NRG1: variants seen among roughly 807,000 people sequenced by gnomAD.
NRG1 encodes pro-neuregulin-1, membrane-bound isoform.
In NRG1, 18 loss-of-function variants were observed where a neutral mutation model predicts 63.8. The observed-to-expected ratio is 0.28, with a 90% confidence interval of 0.19 to 0.42. The LOEUF is 0.42. NRG1 is among the 10% of genes least tolerant of loss of function. The probability of loss-of-function intolerance (pLI) is 1.00; values close to 1 mark genes in which losing one functional copy is unlikely to be tolerated. For synonymous variants in NRG1, 302 were observed against 301.3 expected (o/e 1.00, Z -0.02); for missense variants, 762 against 814.7 (o/e 0.94, Z 0.79).
In NRG1 at chr8:31,925,650, T is replaced by G. The variant is rs141254333; in HGVS notation, c.37+286219T>G. 7.9e-5 allele frequency among the ~76,000 whole-genome samples: 12 copies of G among 152,228 alleles called. No individual in the cohort carries two copies. In the East Asian group the frequency reaches 1.5e-3, roughly 20 times the overall value. ...TGTCTTTATGTTCTTTTCTACCATT[T>G]TTATTTTTTTCTCAATGTTTTCATC... is the stretch of plus-strand genomic sequence containing the variant. On this transcript the variant is annotated intron_variant, in intron 1 of 10. Transcript: ENST00000519301.
At chr8:32,602,892 G>A (rs1844621283) in intron 2 of NRG1, among the ~76,000 whole-genome samples, 2 of 151,924 alleles carry the variant, frequency 1.3e-5, no homozygotes, top group African/African-American at 2.4e-5. Flanking sequence ...AAAATCATAC[G>A]GTATTTGAAC....
chr8:32,297,396 A>T (rs1232505177), intron 1 of NRG1, among the ~76,000 whole-genome samples: 1 of 151,826 alleles, frequency 6.6e-6, no homozygotes, highest in Non-Finnish European at 1.5e-5. Context: ...AATGCAGTTT[A>T]TTCTGAGCAG....
intron 1 of NRG1, among the ~76,000 whole-genome samples, chr8:31,672,623 A>G (rs1807270303): frequency 6.6e-6 from 1 of 152,134 alleles, no homozygotes; most frequent in East Asian, 1.9e-4. Flanking sequence ...ATAACTTAAT[A>G]TTGGCTGAAT....
At chr8:32,454,361 G>T (rs1260814369) in intron 1 of NRG1, among the ~76,000 whole-genome samples, 2 of 152,078 alleles carry the variant, frequency 1.3e-5, no homozygotes, top group African/African-American at 4.8e-5. Context: ...ATAGGATTGA[G>T]AACCACTCAT....
intron 5 of NRG1, among the ~76,000 whole-genome samples, chr8:32,722,813 C>G (rs1820979883): frequency 6.6e-6 from 1 of 151,898 alleles, no homozygotes; most frequent in Admixed American, 6.6e-5. Flanking sequence ...TTAAATTGTT[C>G]AATTTTATTT....
intron 1 of NRG1, among the ~76,000 whole-genome samples, chr8:32,266,347 A>T: frequency 6.6e-6 from 1 of 152,174 alleles, no homozygotes; most frequent in East Asian, 1.9e-4. Context: ...CAGCACATAC[A>T]CTTTTTCAAT....
chr8:32,309,662 T>TC (rs1856601324), intron 1 of NRG1, among the ~76,000 whole-genome samples: 1 of 152,168 alleles, frequency 6.6e-6, no homozygotes, highest in South Asian at 2.1e-4. Flanking sequence ...AACTCGAAGC[T>TC]CAGCAGTATG....
intron 1 of NRG1, among the ~76,000 whole-genome samples, chr8:32,183,621 C>T (rs1841665397): frequency 6.6e-6 from 1 of 152,194 alleles, no homozygotes; most frequent in Non-Finnish European, 1.5e-5. Context: ...CAGGAATCAA[C>T]CAACCAAGTG....
At chr8:32,593,726 T>C (rs1486655688) in intron 1 of NRG1, among the ~76,000 whole-genome samples, 5 of 152,004 alleles carry the variant, frequency 3.3e-5, no homozygotes, top group African/African-American at 4.8e-5. Context: ...AACAGAAATA[T>C]GTAGACACTA....
At chr8:31,989,478 T>C (rs1810694821) in intron 1 of NRG1, among the ~76,000 whole-genome samples, 1 of 151,930 alleles carries the variant, frequency 6.6e-6, no homozygotes, top group Non-Finnish European at 1.5e-5. Flanking sequence ...GCAACAGTGA[T>C]AGAAATAATC....
At chr8:32,638,314 T>TA (rs1001427973) in intron 5 of NRG1, among the ~76,000 whole-genome samples, 5 of 152,178 alleles carry the variant, frequency 3.3e-5, no homozygotes, top group Admixed American at 6.5e-5. Flanking sequence ...TAAAGTATAA[T>TA]AAAAAAATTA....
intron 6 of NRG1, among the ~76,000 whole-genome samples, chr8:32,735,989 A>C (rs1220811834): frequency 6.6e-6 from 1 of 151,572 alleles, no homozygotes; most frequent in Non-Finnish European, 1.5e-5. Flanking sequence ...ATGGATTGGA[A>C]ACTAGTCCCC....
At chr8:32,568,853 C>T (rs1439973328) in intron 1 of NRG1, among the ~76,000 whole-genome samples, 2 of 151,606 alleles carry the variant, frequency 1.3e-5, no homozygotes, top group Non-Finnish European at 2.9e-5. Flanking sequence ...TTTTTACTTG[C>T]AGGCAATATC....
intron 1 of NRG1, among the ~76,000 whole-genome samples, chr8:32,187,858 C>T (rs1030817203): frequency 5.3e-5 from 8 of 152,304 alleles, no homozygotes; most frequent in East Asian, 3.9e-4. Flanking sequence ...CTAAAGACAA[C>T]GTACCCACTT....
At chr8:32,324,776 A>T (rs115596640) in intron 1 of NRG1, among the ~76,000 whole-genome samples, 1 of 152,188 alleles carries the variant, frequency 6.6e-6, no homozygotes, top group Admixed American at 6.5e-5. Flanking sequence ...GCCATTATTT[A>T]TTAAAACCTT....
At chr8:31,722,320 T>C (rs929360420) in intron 1 of NRG1, among the ~76,000 whole-genome samples, 5 of 152,140 alleles carry the variant, frequency 3.3e-5, no homozygotes, top group African/African-American at 1.2e-4. Flanking sequence ...TCCTGGCTCT[T>C]TGACACTGGG....
At chr8:32,207,533 C>G (rs1024887026) in intron 1 of NRG1, among the ~76,000 whole-genome samples, 8 of 152,180 alleles carry the variant, frequency 5.3e-5, no homozygotes, top group Non-Finnish European at 8.8e-5. Flanking sequence ...TCTGTTCTTT[C>G]TAGTTCAGTA....
At chr8:32,048,977 T>C (rs1241074191) in intron 1 of NRG1, among the ~76,000 whole-genome samples, 1 of 152,076 alleles carries the variant, frequency 6.6e-6, no homozygotes, top group Non-Finnish European at 1.5e-5. Flanking sequence ...GAGCATTCTG[T>C]GGCTCCATGG....
At chr8:31,767,273 A>G (rs986725256) in intron 1 of NRG1, among the ~76,000 whole-genome samples, 2 of 152,218 alleles carry the variant, frequency 1.3e-5, no homozygotes, top group African/African-American at 4.8e-5. Context: ...CACTGGCACA[A>G]ACTGCAGATA....
Sources: gnomAD v4.1 joint callset for allele counts (sites outside exome capture counted in the v4.1 genomes callset) on GRCh38, gnomAD v4.1.1 for gene constraint, MANE v1.5 for transcripts, NCBI Gene and HGNC (gene_info 2026-07-23, HGNC 2026-07-21) for gene names.